Variants in CNBP observed in about 807,000 individuals in gnomAD.
CNBP encodes the protein CCHC-type zinc finger nucleic acid binding protein, also known as cellular nucleic acid-binding protein.
A neutral mutation model predicts 21.2 loss-of-function variants in CNBP; 6 were observed. That is an observed-to-expected ratio of 0.28 (90% confidence interval 0.16 to 0.56). The LOEUF (loss-of-function observed/expected upper bound fraction) is 0.56, where lower values mean the gene tolerates loss of function less well. Among genes scored for constraint, CNBP ranks in the 20% least tolerant of loss-of-function variants. The probability of loss-of-function intolerance (pLI) is 0.93; values close to 1 mark genes in which losing one functional copy is unlikely to be tolerated. For missense variants in CNBP, 112 were observed against 233.1 expected (o/e 0.48, Z 3.38); for synonymous variants, 61 against 74.9 (o/e 0.81, Z 0.96).
chr3:129,176,952 G>C (rs957043040), intron 1 of CNBP, among the ~76,000 whole-genome samples: 23 of 152,038 alleles, frequency 1.5e-4, no homozygotes, highest in Admixed American at 1.1e-3. Flanking sequence ...ATGAAAATTA[G>C]ATTTCAGATT....
intron 1 of CNBP, among the ~76,000 whole-genome samples, chr3:129,175,485 G>A (rs1256342006): frequency 3.4e-5 from 5 of 148,376 alleles, no homozygotes; most frequent in Non-Finnish European, 7.4e-5. Flanking sequence ...GCTGGAGTGC[G>A]GTGGCGCCAT....
At chr3:129,176,597 C>A (rs1164431429) in intron 1 of CNBP, among the ~76,000 whole-genome samples, 1 of 152,140 alleles carries the variant, frequency 6.6e-6, no homozygotes, top group Non-Finnish European at 1.5e-5. Flanking sequence ...CAACAAAGCA[C>A]CTAAATTATT....
At chr3:129,173,935 A>G (rs1215709226) in intron 1 of CNBP, among the ~76,000 whole-genome samples, 1 of 152,224 alleles carries the variant, frequency 6.6e-6, no homozygotes, top group East Asian at 1.9e-4. Flanking sequence ...CTCCACTTTC[A>G]GTAACTGTTT....
At chr3:129,177,699 A>C (rs896004275) in intron 1 of CNBP, among the ~76,000 whole-genome samples, 2 of 152,166 alleles carry the variant, frequency 1.3e-5, no homozygotes, top group African/African-American at 4.8e-5. Flanking sequence ...TTAAGAGGAG[A>C]AACACCGGTG....
chr3:129,170,868 A>C (rs1937555256), intron 4 of CNBP, among the ~76,000 whole-genome samples: 1 of 152,222 alleles, frequency 6.6e-6, no homozygotes, highest in Admixed American at 6.5e-5. Flanking sequence ...TCCAGTTGTG[A>C]AAACTGCCCA....
rs550218330 is a variant in CNBP at position 129,181,689 on chromosome 3, T to G, written c.-15+2087A>C. On this transcript the variant is annotated intron_variant, in intron 1 of 4. Transcript: ENST00000422453. Reference sequence around the variant, plus strand: ...AAAAACCCCTGGTCTTCCACTGATTTGGTTCAAAATATTTTACAGACTGCA... The same window carrying G: ...AAAAACCCCTGGTCTTCCACTGATTGGGTTCAAAATATTTTACAGACTGCA... Among the ~76,000 whole-genome samples, 10 of 144,240 alleles carry G rather than the reference T, an allele frequency of 6.9e-5. No individual in the cohort carries two copies. The East Asian group carries it at 2.1e-3, about 30-fold the overall frequency. The allele number at this position is 144,240 out of a possible 152,430, so 94.6% of individuals were successfully genotyped here.
intron 1 of CNBP, among the ~76,000 whole-genome samples, chr3:129,174,572 G>A (rs1436513500): frequency 6.7e-6 from 1 of 149,924 alleles, no homozygotes. Flanking sequence ...GGCGGAGGCA[G>A]GATAATCTCT....
At chr3:129,174,373 A>AC (rs1420356091) in intron 1 of CNBP, among the ~76,000 whole-genome samples, 1 of 150,260 alleles carries the variant, frequency 6.7e-6, no homozygotes, top group Admixed American at 6.7e-5. Context: ...AAAAAAAAAA[A>AC]ACGAATGGCG....
rs1576906079 is a variant in CNBP at position 129,169,642 on chromosome 3, T to C, written c.*811A>G. 4.8e-6 allele frequency: 1 copy of C among 210,506 alleles called. No homozygotes were observed. Among genetic ancestry groups the C allele is most frequent in the Non-Finnish European group, 9.7e-6 (1 of 103,572 alleles). 13.0% of individuals were successfully genotyped at this position (210,506 alleles called of 1,614,324 possible). On this transcript the variant is annotated 3_prime_UTR_variant, in exon 5 of 5. Transcript: ENST00000422453. ...ACATTTCTATTTTCTAGGACTTCAG[T>C]TGCTCTTTCCATCTGACTTTTAAAA...
intron 1 of CNBP, among the ~76,000 whole-genome samples, chr3:129,176,452 T>C (rs1937913035): frequency 6.6e-6 from 1 of 152,230 alleles, no homozygotes. Context: ...TAATTCACCT[T>C]TGAATCATCG....
At chr3:129,174,348 T>TCAAAAAAA (rs1222085418) in intron 1 of CNBP, among the ~76,000 whole-genome samples, 1 of 24,444 alleles carries the variant, frequency 4.1e-5, no homozygotes, top group African/African-American at 2.4e-4. Context: ...AGAGTCAGAA[T>TCAAAAAAA]TAAAAAAAAA....
rs895151658 is a variant in CNBP, at chr3:129,169,559, A to G, written c.*894T>C. ...ATTAATGAAAATTTGAAACAAACAA[A>G]AAGAACTTTAGTCAAACTCCCCTTC... On this transcript the variant is annotated 3_prime_UTR_variant, in exon 5 of 5. Transcript: ENST00000422453. 1 of 206,648 alleles carries G rather than the reference A, an allele frequency of 4.8e-6. No individual in the cohort carries two copies. The highest frequency in any genetic ancestry group is 9.9e-6 in the Non-Finnish European group (1 of 101,038). The allele number at this position is 206,648 out of a possible 1,614,324, so 12.8% of individuals were successfully genotyped here. A position where few individuals can be genotyped will look rare whatever the true frequency, so the allele number is the denominator to read the frequency against.
At chr3:129,183,335 C>A (rs1290754264) in intron 1 of CNBP, among the ~76,000 whole-genome samples, 1 of 152,224 alleles carries the variant, frequency 6.6e-6, no homozygotes, top group Non-Finnish European at 1.5e-5. Flanking sequence ...CGACTATACC[C>A]ACCCCATCCC....
chr3:129,171,766 T>C lies in CNBP; in HGVS notation c.-9A>G. On this transcript the variant is annotated 5_prime_UTR_variant, in exon 2 of 5. Coordinates refer to ENST00000422453, the MANE Select transcript of CNBP (RefSeq NM_003418.5). ...CACTCATTGCTGCTCATGGCTGCAG[T>C]CAGATCTTTGAAATATTAAAAGTAA... is the stretch of plus-strand genomic sequence containing the variant. 6.2e-7 allele frequency: 1 copy of C among 1,611,076 alleles called. No homozygotes were observed. Among genetic ancestry groups the C allele is most frequent in the Non-Finnish European group, 8.5e-7 (1 of 1,178,790 alleles).
Position 129,183,166 on chromosome 3 carries a change from T to C in CNBP, c.-15+610A>G, listed in dbSNP as rs560369320. On this transcript the variant is annotated intron_variant, in intron 1 of 4. Coordinates refer to ENST00000422453, the MANE Select transcript of CNBP (RefSeq NM_003418.5). The stretch of plus-strand genomic sequence containing the variant: ...ACTTTCACCATATTGGTCAGGCTGG[T>C]CTCGAACTCCTGACCTCGTGATCCG... 3.9e-5 allele frequency among the ~76,000 whole-genome samples: 6 copies of C among 152,226 alleles called. No individual in the cohort carries two copies. The East Asian group carries it at 9.7e-4, about 25-fold the overall frequency.
intron 1 of CNBP, among the ~76,000 whole-genome samples, chr3:129,176,520 A>AG (rs1415048268): frequency 3.9e-5 from 6 of 152,312 alleles, no homozygotes; most frequent in Non-Finnish European, 5.9e-5. Context: ...TTTTAATTCT[A>AG]GGGGGACAGG....
intron 1 of CNBP, among the ~76,000 whole-genome samples, chr3:129,177,101 A>G (rs1386786701): frequency 6.6e-6 from 1 of 152,194 alleles, no homozygotes; most frequent in East Asian, 1.9e-4. Context: ...TTTCAGTACT[A>G]TTTTATGCAA....
Position 129,169,693 on chromosome 3 carries a change from T to C in CNBP, c.*760A>G. ...ACTGATTACAGCAAATGAAACACAG[T>C]TGTCTAAGTGATATAGTATACAAAA... On this transcript the variant is annotated 3_prime_UTR_variant, in exon 5 of 5. Coordinates refer to ENST00000422453, the MANE Select transcript of CNBP (RefSeq NM_003418.5). 1 of 213,682 alleles carries C rather than the reference T, an allele frequency of 4.7e-6. No individual in the cohort carries two copies. 13.2% of individuals were successfully genotyped at this position (213,682 alleles called of 1,614,324 possible).
chr3:129,175,678 T>C (rs1937855732), intron 1 of CNBP, among the ~76,000 whole-genome samples: 1 of 152,196 alleles, frequency 6.6e-6, no homozygotes, highest in South Asian at 2.1e-4. Context: ...TCCACCCGCC[T>C]TGGCCTCCCA....
Sources: gnomAD v4.1 joint callset for allele counts (sites outside exome capture counted in the v4.1 genomes callset) on GRCh38, gnomAD v4.1.1 for gene constraint, MANE v1.5 for transcripts, NCBI Gene and HGNC (gene_info 2026-07-23, HGNC 2026-07-21) for gene names.